Variants in ZNF804B observed in about 807,000 individuals in gnomAD.
The protein encoded by ZNF804B is zinc finger 804B.
In ZNF804B, 80 loss-of-function variants were observed where a neutral mutation model predicts 101.4. That is an observed-to-expected ratio of 0.79 (90% CI 0.66 to 0.95). ZNF804B has a LOEUF of 0.95. Ranked by LOEUF, ZNF804B falls within the 40% of genes least tolerant of loss-of-function variation. The probability of loss-of-function intolerance (pLI) is 0.00; values close to 1 mark genes in which losing one functional copy is unlikely to be tolerated. For missense variants in ZNF804B, 1,673 were observed against 1,561.9 expected, an observed-to-expected ratio of 1.07 and a Z score of -1.20; for synonymous variants, 622 against 558.8, an observed-to-expected ratio of 1.11 and a Z score of -1.59.
At chr7:88,901,947 A>G (rs1341962777) in intron 1 of ZNF804B, among the ~76,000 whole-genome samples, 5 of 151,902 alleles carry the variant, frequency 3.3e-5, no homozygotes. Flanking sequence ...CCTTATTACA[A>G]TTCTAGAGGA....
intron 1 of ZNF804B, among the ~76,000 whole-genome samples, chr7:89,199,021 G>A (rs1788594198): frequency 6.6e-6 from 1 of 151,848 alleles, no homozygotes; most frequent in South Asian, 2.1e-4. Context: ...CCATGATTAA[G>A]TGTCTGGCTG....
chr7:89,136,880 T>C (rs995467052), intron 1 of ZNF804B, among the ~76,000 whole-genome samples: 2 of 151,966 alleles, frequency 1.3e-5, no homozygotes, highest in Admixed American at 6.6e-5. Flanking sequence ...AGGTCTTTCC[T>C]GTGCTGTTCT....
chr7:89,054,919 C>G (rs1399353542), intron 1 of ZNF804B, among the ~76,000 whole-genome samples: 1 of 151,994 alleles, frequency 6.6e-6, no homozygotes, highest in African/African-American at 2.4e-5. Context: ...TGATACTTAT[C>G]AGTAAATACA....
At chr7:88,961,966 T>C (rs1326391134) in intron 1 of ZNF804B, among the ~76,000 whole-genome samples, 1 of 151,334 alleles carries the variant, frequency 6.6e-6, no homozygotes, top group Non-Finnish European at 1.5e-5. Flanking sequence ...TTTTACATTT[T>C]ACATTAGAAT....
chr7:88,867,203 C>A (rs111285280), intron 1 of ZNF804B, among the ~76,000 whole-genome samples: 1 of 152,002 alleles, frequency 6.6e-6, no homozygotes, highest in African/African-American at 2.4e-5. Flanking sequence ...ATGAGAGAGG[C>A]GATTTTTTTA....
chr7:88,804,078 T>C (rs996494632), intron 1 of ZNF804B, among the ~76,000 whole-genome samples: 5 of 152,074 alleles, frequency 3.3e-5, no homozygotes, highest in African/African-American at 9.7e-5. Context: ...GGGTGACCAT[T>C]TAATATTGGC....
chr7:89,308,051 A>G (rs1286216248), intron 2 of ZNF804B, among the ~76,000 whole-genome samples: 1 of 152,136 alleles, frequency 6.6e-6, no homozygotes, highest in Non-Finnish European at 1.5e-5. Flanking sequence ...AAGTATTTTT[A>G]AAAGACTTCT....
intron 1 of ZNF804B, among the ~76,000 whole-genome samples, chr7:89,046,867 C>T (rs1789117121): frequency 6.6e-6 from 1 of 151,986 alleles, no homozygotes; most frequent in Non-Finnish European, 1.5e-5. Context: ...AATTATATCA[C>T]TGGTGCAGTC....
intron 1 of ZNF804B, among the ~76,000 whole-genome samples, chr7:88,862,416 C>G (rs1791663356): frequency 6.6e-6 from 1 of 151,860 alleles, no homozygotes; most frequent in South Asian, 2.1e-4. Flanking sequence ...ACATGACCAG[C>G]CTAGGAATAA....
At chr7:88,840,701 A>C (rs1342254628) in intron 1 of ZNF804B, among the ~76,000 whole-genome samples, 3 of 151,632 alleles carry the variant, frequency 2.0e-5, no homozygotes, top group Non-Finnish European at 4.4e-5. Flanking sequence ...TTAACTAATA[A>C]GCACTAGATT....
At chr7:88,991,331 A>T (rs75990602) in intron 1 of ZNF804B, among the ~76,000 whole-genome samples, 2,660 of 152,250 alleles carry the variant, frequency 0.017, 82 homozygotes, top group African/African-American at 0.061. Flanking sequence ...CAATGTGAAC[A>T]TAGCCCGTCA....
intron 1 of ZNF804B, among the ~76,000 whole-genome samples, chr7:88,841,935 T>G (rs956395886): frequency 6.6e-6 from 1 of 152,208 alleles, no homozygotes; most frequent in African/African-American, 2.4e-5. Context: ...ATTTATCAGT[T>G]GCCTACTAGG....
chr7:89,094,397 T>C (rs1452202013), intron 1 of ZNF804B, among the ~76,000 whole-genome samples: 1 of 152,184 alleles, frequency 6.6e-6, no homozygotes, highest in Non-Finnish European at 1.5e-5. Flanking sequence ...AGTTGTCTTT[T>C]TGAGGTTTCC....
At chr7:89,013,988 G>C (rs995033548) in intron 1 of ZNF804B, among the ~76,000 whole-genome samples, 1 of 152,124 alleles carries the variant, frequency 6.6e-6, no homozygotes, top group Non-Finnish European at 1.5e-5. Context: ...AAGTATCTTG[G>C]CATTATGAAT....
At chr7:89,173,020 C>T (rs1227706760) in intron 1 of ZNF804B, among the ~76,000 whole-genome samples, 1 of 152,086 alleles carries the variant, frequency 6.6e-6, no homozygotes, top group Non-Finnish European at 1.5e-5. Context: ...TAATTCAAGG[C>T]AATGATTACA....
rs71120056 is a variant in ZNF804B, at chr7:89,092,408, G to GTTTTT, written c.109-125729_109-125725dup. On this transcript the variant is annotated intron_variant, in intron 1 of 3. Coordinates refer to ENST00000333190, the MANE Select transcript of ZNF804B (RefSeq NM_181646.5). ...CTAACATTGATTTCTTTTCTTTTCT[G>GTTTTT]TTTTTTTTTTTTTTTTTTTTTTGAG... Among the ~76,000 whole-genome samples the GTTTTT allele has an allele frequency of 2.4e-3, 223 of 93,794 alleles. 17 individuals carry two copies. The highest frequency in any genetic ancestry group is 0.017 in the Middle Eastern group (2 of 120). 61.5% of individuals were successfully genotyped at this position (93,794 alleles called of 152,430 possible). A position where few individuals can be genotyped will look rare whatever the true frequency, so the allele number is the denominator to read the frequency against.
intron 1 of ZNF804B, among the ~76,000 whole-genome samples, chr7:88,967,323 G>C (rs1326078252): frequency 6.6e-6 from 1 of 151,476 alleles, no homozygotes; most frequent in Non-Finnish European, 1.5e-5. Flanking sequence ...GAGAGCAAAG[G>C]GGGAAGTGCT....
At chr7:89,007,238 G>A (rs1316156685) in intron 1 of ZNF804B, among the ~76,000 whole-genome samples, 3 of 151,678 alleles carry the variant, frequency 2.0e-5, no homozygotes, top group Non-Finnish European at 4.4e-5. Context: ...TACGCTAAAT[G>A]AGATTCCATC....
intron 2 of ZNF804B, among the ~76,000 whole-genome samples, chr7:89,272,316 A>G (rs1209885642): frequency 6.6e-6 from 1 of 152,074 alleles, no homozygotes; most frequent in Non-Finnish European, 1.5e-5. Flanking sequence ...TACTTAATTT[A>G]TTTTTGTTTT....
Sources: allele counts gnomAD v4.1 joint callset (sites outside exome capture counted in the v4.1 genomes callset), GRCh38; gene constraint gnomAD v4.1.1; transcripts MANE v1.5; gene names NCBI Gene and HGNC (gene_info 2026-07-23, HGNC 2026-07-21).